Variants in CEP295 observed in about 807,000 individuals in gnomAD.
The protein encoded by CEP295 is centrosomal protein of 295 kDa.
A neutral mutation model predicts 291.6 loss-of-function variants in CEP295; 190 were observed. That is an observed-to-expected ratio of 0.65 (90% CI 0.58 to 0.73). The LOEUF is 0.73. CEP295 is among the 30% of genes least tolerant of loss of function. CEP295 has a pLI of 0.00. For missense variants in CEP295, 2,863 were observed against 2,949.4 expected (o/e 0.97, Z 0.68); for synonymous variants, 993 against 1,038.8 (o/e 0.96, Z 0.85).
At chr11:93,715,713 G>A (rs947332612) in intron 18 of CEP295, among the ~76,000 whole-genome samples, 2 of 151,974 alleles carry the variant, frequency 1.3e-5, no homozygotes, top group African/African-American at 4.8e-5. Flanking sequence ...ATCCTGCCAG[G>A]ACTGGGTCCT....
rs1172534686 is a variant in CEP295 at position 93,698,200 on chromosome 11, G to A, written c.3288G>A (p.Leu1096=). 1 of 1,551,794 alleles carries A rather than the reference G, an allele frequency of 6.4e-7. No individual in the cohort carries two copies. The highest frequency in any genetic ancestry group is 1.4e-5 in the African/African-American group (1 of 73,034). ...QRDLGDSKSG[L]VSSSSSPVVV... ...ATTTGGGGGACAGTAAGTCTGGGCTGGTGAGCTCTTCATCCTCACCAGTGG... is the reference window on the plus strand; with the variant it reads ...ATTTGGGGGACAGTAAGTCTGGGCTAGTGAGCTCTTCATCCTCACCAGTGG... Residue 1096 remains leucine, a synonymous_variant, in exon 15 of 30, where the codon CTG becomes CTA. Coordinates refer to ENST00000325212, the MANE Select transcript of CEP295 (RefSeq NM_033395.2).
At chr11:93,705,289 C>G (rs1591089597) in intron 17 of CEP295, among the ~76,000 whole-genome samples, 3 of 151,926 alleles carry the variant, frequency 2.0e-5, no homozygotes, top group African/African-American at 7.3e-5. Flanking sequence ...TTTATATGTA[C>G]AAAGCACAAA....
intron 25 of CEP295, chr11:93,729,160 G>C: frequency 2.0e-6 from 1 of 512,624 alleles, no homozygotes; most frequent in South Asian, 3.1e-5. Context: ...TAGGGGAGTA[G>C]GGAGGCAATA....
chr11:93,698,409 T>C lies in CEP295; in HGVS notation c.3497T>C (p.Leu1166Pro), dbSNP rs1951960976. The change falls in exon 15 of 30, where the codon CTC becomes CCC. Residue 1166 changes from leucine (L) to proline (P), a missense_variant. By Grantham distance (98) the Leu-to-Pro change is moderately conservative (BLOSUM62 -3). Coordinates refer to ENST00000325212, the MANE Select transcript of CEP295 (RefSeq NM_033395.2). ...GCACAGCAAGAAAATTTGACAATAC[T>C]CCAAGAACAGTCACAAATACAAAGG... ...SLAQQENLTI[L>P]QEQSQIQRVI... The C allele has an allele frequency of 6.4e-7, 1 of 1,552,058 alleles. No individual in the cohort carries two copies. The highest frequency in any genetic ancestry group is 8.7e-7 in the Non-Finnish European group (1 of 1,147,056).
chr11:93,699,829 G>A lies in CEP295; in HGVS notation c.4917G>A (p.Glu1639=), dbSNP rs1381463497. 3 of 1,552,244 alleles carry A rather than the reference G, an allele frequency of 1.9e-6. No individual in the cohort carries two copies. Among genetic ancestry groups the A allele is most frequent in the Non-Finnish European group, 2.6e-6 (3 of 1,147,116 alleles). The change falls in exon 15 of 30, where the codon GAG becomes GAA. Residue 1639 remains glutamate, a synonymous_variant. Coordinates refer to ENST00000325212, the MANE Select transcript of CEP295 (RefSeq NM_033395.2). ...QRKLNKSESA[E]HTIPSLFLPK... is the part of the protein sequence containing the mutation. Reference sequence around the variant, plus strand: ...AGTTGAACAAAAGTGAATCTGCTGAGCATACTATCCCCTCTTTGTTTCTAC... The same window carrying A: ...AGTTGAACAAAAGTGAATCTGCTGAACATACTATCCCCTCTTTGTTTCTAC...
At chr11:93,700,302 G>A (rs1346167696) in intron 15 of CEP295, 116 bp downstream of exon 15, 2 of 956,912 alleles carry the variant, frequency 2.1e-6, no homozygotes, top group South Asian at 3.7e-5. Context: ...CCTTAACTGT[G>A]CTTTGATTTT....
At position 93,728,790 on chromosome 11, in the gene CEP295, AG is replaced by A; in HGVS notation, c.7272del (p.Ser2425AlafsTer11). ...TTTGCAAATTTAACCCTAGAAGAGAAGAGCGAGAATGAAGCAAAATGCTTCT... is the reference window on the plus strand; with the variant it reads ...TTTGCAAATTTAACCCTAGAAGAGAAAGCGAGAATGAAGCAAAATGCTTCT... The part of the protein sequence containing the change: ...MDFANLTLEE[K>X]SENEAKCFFQ... On this transcript the variant is annotated frameshift_variant, in exon 25 of 30. Transcript: ENST00000325212. LOFTEE classifies it high-confidence loss of function. The A allele has an allele frequency of 1.3e-6, 2 of 1,548,678 alleles. No individual in the cohort carries two copies.
intron 10 of CEP295, among the ~76,000 whole-genome samples, chr11:93,689,157 T>C (rs1177647905): frequency 6.6e-6 from 1 of 152,232 alleles, no homozygotes; most frequent in Admixed American, 6.5e-5. Context: ...CATCAGCCTT[T>C]GCACCTCCCT....
chr11:93,728,361 G>T (rs1937678913), intron 24 of CEP295: 1 of 196,014 alleles, frequency 5.1e-6, no homozygotes, highest in South Asian at 1.4e-4. Context: ...ATACAATTCG[G>T]CACAGCCAAC....
chr11:93,697,309 T>C lies in CEP295; in HGVS notation c.2397T>C (p.Pro799=). The change falls in exon 15 of 30, where the codon CCT becomes CCC. Residue 799 remains proline (P), a synonymous_variant. Coordinates refer to ENST00000325212, the MANE Select transcript of CEP295 (RefSeq NM_033395.2). ...CTCAGCATTCTTTTAGTTCTCTGCC[T>C]GTTAAAGTTGAGTCAGGAAAAATTC... ...LVPQHSFSSL[P]VKVESGKIQE... is the part of the protein sequence containing the mutation. 6.4e-7 allele frequency: 1 copy of C among 1,551,752 alleles called. No homozygotes were observed. The highest frequency in any genetic ancestry group is 8.7e-7 in the Non-Finnish European group (1 of 1,146,990).
In CEP295 at chr11:93,661,719, T is replaced by C. The variant is rs1949994083; in HGVS notation, c.-82T>C. The stretch of plus-strand genomic sequence containing the variant: ...GCTGGGCAGCTGATGGGCAGGAGCT[T>C]ACCAGGCTGGCTTGCTCTGAGCTGC... On this transcript the variant is annotated 5_prime_UTR_variant, in exon 1 of 30. Transcript: ENST00000325212. 1 of 152,704 alleles carries C rather than the reference T, an allele frequency of 6.5e-6. No homozygotes were observed. Among genetic ancestry groups the C allele is most frequent in the Admixed American group, 6.5e-5 (1 of 15,278 alleles). 9.5% of individuals were successfully genotyped at this position (152,704 alleles called of 1,614,324 possible).
intron 19 of CEP295, 53 bp from the exon 20 acceptor site, chr11:93,721,901 T>G (rs975744380): frequency 7.7e-7 from 1 of 1,295,826 alleles, no homozygotes; most frequent in Non-Finnish European, 1.1e-6. Flanking sequence ...GATTTGGGGT[T>G]TTCTTACATA....
intron 10 of CEP295, among the ~76,000 whole-genome samples, chr11:93,690,450 T>C (rs1951466275): frequency 6.6e-6 from 1 of 151,656 alleles, no homozygotes; most frequent in Admixed American, 6.6e-5. Flanking sequence ...TCCCAGCTAC[T>C]TGGGAGGCTG....
At position 93,697,467 on chromosome 11, in the gene CEP295, A is replaced by T; in HGVS notation, c.2555A>T (p.Glu852Val). The change falls in exon 15 of 30, where the codon GAA becomes GTA. Residue 852 changes from glutamate (E) to valine (V), a missense_variant. By Grantham distance (121) the Glu-to-Val change is moderately radical. This residue lies in a region of CEP295 where 2,295 missense variants were observed against 2,335.7 expected (regional missense o/e 0.98). Coordinates refer to ENST00000325212, the MANE Select transcript of CEP295 (RefSeq NM_033395.2). ...CAAGGTAATATGAAGGCCCTCCAAG[A>T]ACAGTTAGACCTACAGAAGAAAGTT... ...AQQGNMKALQ[E>V]QLDLQKKVLQ... 1 of 1,552,124 alleles carries T rather than the reference A, an allele frequency of 6.4e-7. No homozygotes were observed. Among genetic ancestry groups the T allele is most frequent in the Non-Finnish European group, 8.7e-7 (1 of 1,147,068 alleles).
chr11:93,681,734 T>C (rs1004052720), intron 7 of CEP295, among the ~76,000 whole-genome samples: 5 of 152,016 alleles, frequency 3.3e-5, no homozygotes, highest in African/African-American at 9.7e-5. Context: ...GTATTTTTAG[T>C]AGAGACGGGG....
At chr11:93,727,757 G>A in intron 24 of CEP295, 120 bp downstream of exon 24, 1 of 757,588 alleles carries the variant, frequency 1.3e-6, no homozygotes. Flanking sequence ...CAAACTCCTA[G>A]GATCAAGGGA....
At chr11:93,683,876 A>G in intron 8 of CEP295, 88 bp from the exon 9 acceptor site, 1 of 1,451,530 alleles carries the variant, frequency 6.9e-7, no homozygotes, top group East Asian at 2.5e-5. Flanking sequence ...TTTTAGATTG[A>G]GACATTACCG....
At chr11:93,683,315 A>T (rs1225271818) in intron 7 of CEP295, among the ~76,000 whole-genome samples, 1 of 152,160 alleles carries the variant, frequency 6.6e-6, no homozygotes, top group Non-Finnish European at 1.5e-5. Flanking sequence ...CTAACATAAC[A>T]CTACTTATTT....
intron 1 of CEP295, among the ~76,000 whole-genome samples, chr11:93,663,062 TGA>T (rs1297727296): frequency 1.3e-5 from 2 of 152,210 alleles, no homozygotes; most frequent in East Asian, 3.8e-4. Context: ...AAAGACAGAC[TGA>T]GAAACTGTCC....
Sources: gnomAD v4.1 joint callset for allele counts (sites outside exome capture counted in the v4.1 genomes callset) on GRCh38, gnomAD v4.1.1 for gene constraint, gnomAD v4.1.1 regional missense constraint, MANE v1.5 for transcripts, NCBI Gene and HGNC (gene_info 2026-07-23, HGNC 2026-07-21) for gene names.